DNAJC7: variants seen among roughly 807,000 people sequenced by gnomAD.
The protein encoded by DNAJC7 is dnaJ homolog subfamily C member 7.
DNAJC7 carries 18 observed loss-of-function variants against 67.4 expected under a neutral mutation model. The ratio of observed to expected loss-of-function variants is 0.27; its 90% CI spans 0.18 to 0.40. The LOEUF (loss-of-function observed/expected upper bound fraction) is 0.40. Ranked by LOEUF, DNAJC7 falls within the 10% of genes least tolerant of loss-of-function variation. The pLI is 1.00. For synonymous variants in DNAJC7, 220 were observed against 207.8 expected (o/e 1.06, Z -0.50); for missense variants, 419 against 613.8 (o/e 0.68, Z 3.35).
chr17:41,976,532 C>G lies in DNAJC7; in HGVS notation c.*201G>C. 1.7e-6 allele frequency: 1 copy of G among 585,164 alleles called. No homozygotes were observed. The allele number at this position is 585,164 out of a possible 1,614,324, so 36.2% of individuals were successfully genotyped here. A position where few individuals can be genotyped will look rare whatever the true frequency, so the allele number is the denominator to read the frequency against. ...CACAAGCTGCCTCCCTGTCCACCCC[C>G]GCCTCCCTCCCCTGCCCTCGGTCTT... On this transcript the variant is annotated 3_prime_UTR_variant, in exon 14 of 14. Transcript: ENST00000457167.
chr17:42,015,635 G>A (rs2052248195), intron 1 of DNAJC7: 3 of 151,726 alleles, frequency 2.0e-5, no homozygotes, highest in South Asian at 4.2e-4. Context: ...ACGAGGTCAG[G>A]AGATCGAGAC....
At chr17:41,994,548 T>C (rs1555648300) in intron 5 of DNAJC7, among the ~76,000 whole-genome samples, 1 of 141,668 alleles carries the variant, frequency 7.1e-6, no homozygotes, top group Non-Finnish European at 1.5e-5. Context: ...AAAAAAAAGA[T>C]TATCCAAACC....
chr17:41,993,074 C>A (rs1361187612), intron 5 of DNAJC7, among the ~76,000 whole-genome samples: 1 of 152,178 alleles, frequency 6.6e-6, no homozygotes, highest in Non-Finnish European at 1.5e-5. Flanking sequence ...TAAGTTACTG[C>A]CGGGACTCTG....
intron 13 of DNAJC7, 31 bp downstream of exon 13, chr17:41,977,229 TG>T (rs782328252): frequency 1.3e-6 from 2 of 1,566,316 alleles, no homozygotes; most frequent in South Asian, 2.4e-5. Flanking sequence ...GCTTGTGATC[TG>T]GGAACTCCCA....
intron 4 of DNAJC7, 151 bp from the exon 5 acceptor site, chr17:41,995,095 T>C (rs890043765): frequency 1.8e-5 from 13 of 703,268 alleles, no homozygotes; most frequent in Non-Finnish European, 3.0e-5. Flanking sequence ...ATACCTCCTG[T>C]TGTGAATGGC....
intron 1 of DNAJC7, among the ~76,000 whole-genome samples, chr17:42,005,119 T>C (rs577020126): frequency 1.3e-3 from 199 of 152,358 alleles, no homozygotes; most frequent in South Asian, 3.7e-3. Flanking sequence ...CCTTTAGACA[T>C]GTAGTTACAT....
chr17:42,004,301 C>G (rs1217653666), intron 1 of DNAJC7, among the ~76,000 whole-genome samples: 1 of 152,146 alleles, frequency 6.6e-6, no homozygotes, highest in African/African-American at 2.4e-5. Flanking sequence ...GCAATAATTT[C>G]ACCTATCCTC....
intron 1 of DNAJC7, among the ~76,000 whole-genome samples, chr17:42,006,405 A>T (rs1463275822): frequency 6.6e-6 from 1 of 151,602 alleles, no homozygotes; most frequent in East Asian, 1.9e-4. Flanking sequence ...CTATAATCCC[A>T]GGAGGCTGAG....
chr17:41,981,314 G>A (rs373658569), intron 12 of DNAJC7, among the ~76,000 whole-genome samples: 8 of 151,594 alleles, frequency 5.3e-5, no homozygotes, highest in Admixed American at 2.6e-4. Flanking sequence ...CTCATGCCTC[G>A]GCCTCCCGAG....
chr17:41,997,218 C>G lies in DNAJC7; in HGVS notation c.188G>C (p.Ser63Thr). The G allele has an allele frequency of 6.2e-7, 1 of 1,613,788 alleles. No homozygotes were observed. Among genetic ancestry groups the G allele is most frequent in the Non-Finnish European group, 8.5e-7 (1 of 1,179,790 alleles). Reference protein sequence around the residue: ...KAIDMCPKNASYYGNRAATLM... With the variant: ...KAIDMCPKNATYYGNRAATLM... ...GGTGGCTGCTCGATTACCATAATAG[C>G]TAGCATTTTTAGGACACATATCTAT... The change falls in exon 3 of 14, where the codon AGC becomes ACC. Residue 63 changes from serine (S) to threonine (T), a missense_variant. Ser to Thr is a moderately conservative substitution (Grantham distance 58). This residue lies in a region of DNAJC7 where 179 missense variants were observed against 249.7 expected (regional missense o/e 0.72). Transcript: ENST00000457167.
At chr17:42,002,625 T>C (rs1598144945) in intron 1 of DNAJC7, among the ~76,000 whole-genome samples, 2 of 152,336 alleles carry the variant, frequency 1.3e-5, no homozygotes. Flanking sequence ...AAATAAGGCC[T>C]GGGGGTTAAA....
intron 2 of DNAJC7, 141 bp downstream of exon 2, chr17:42,000,341 A>G: frequency 1.8e-6 from 1 of 549,108 alleles, no homozygotes; most frequent in Non-Finnish European, 3.1e-6. Flanking sequence ...GTGGTCTGAA[A>G]CCCCTGATCT....
intron 1 of DNAJC7, chr17:42,017,105 C>T (rs2052321524): frequency 3.1e-5 from 44 of 1,435,326 alleles, no homozygotes; most frequent in Non-Finnish European, 3.9e-5. Flanking sequence ...ATCGTCCTCT[C>T]AGCTGGAGAA....
chr17:42,015,007 T>G (rs2052226633), intron 1 of DNAJC7: 1 of 152,084 alleles, frequency 6.6e-6, no homozygotes, highest in African/African-American at 2.4e-5. Context: ...TGAGATGGAA[T>G]CTCACTTTGT....
At chr17:41,998,559 T>A (rs1598140033) in intron 2 of DNAJC7, among the ~76,000 whole-genome samples, 1 of 152,168 alleles carries the variant, frequency 6.6e-6, no homozygotes, top group Non-Finnish European at 1.5e-5. Flanking sequence ...CAAAACAAGG[T>A]ACGGCTTTGA....
At chr17:41,995,037 C>T in intron 4 of DNAJC7, 93 bp from the exon 5 acceptor site, 3 of 1,042,194 alleles carry the variant, frequency 2.9e-6, no homozygotes, top group South Asian at 2.6e-5. Context: ...AATTTGAATT[C>T]AGTAAATATA....
chr17:41,982,465 A>C, intron 10 of DNAJC7, 64 bp from the exon 11 acceptor site: 4 of 1,581,860 alleles, frequency 2.5e-6, no homozygotes, highest in Non-Finnish European at 3.4e-6. Context: ...ACCAGGTCTC[A>C]GCCCAGCTGC....
At chr17:41,992,219 C>T (rs1598130713) in intron 5 of DNAJC7, among the ~76,000 whole-genome samples, 1 of 152,122 alleles carries the variant, frequency 6.6e-6, no homozygotes, top group East Asian at 1.9e-4. Flanking sequence ...GTTGCCCAGG[C>T]TGCAGTGCAA....
At chr17:42,009,066 C>T (rs899015040) in intron 1 of DNAJC7, among the ~76,000 whole-genome samples, 2 of 152,200 alleles carry the variant, frequency 1.3e-5, no homozygotes, top group Admixed American at 1.3e-4. Flanking sequence ...ATGCTCGGTG[C>T]TTCATCCAGA....
Sources: gnomAD v4.1 joint callset for allele counts (sites outside exome capture counted in the v4.1 genomes callset) on GRCh38, gnomAD v4.1.1 for gene constraint, gnomAD v4.1.1 regional missense constraint, MANE v1.5 for transcripts, NCBI Gene and HGNC (gene_info 2026-07-23, HGNC 2026-07-21) for gene names.